Variants in ZCCHC24 observed in about 807,000 individuals in gnomAD.
ZCCHC24 encodes zinc finger CCHC domain-containing protein 24.
A neutral mutation model predicts 26.2 loss-of-function variants in ZCCHC24; 10 were observed. That is an observed-to-expected ratio of 0.38 (90% confidence interval 0.24 to 0.65). The LOEUF is 0.65. ZCCHC24 is among the 30% of genes least tolerant of loss of function. ZCCHC24 has a pLI of 0.54. For synonymous variants in ZCCHC24, 144 were observed against 147.1 expected, an observed-to-expected ratio of 0.98 and a Z score of 0.15; for missense variants, 243 against 329.1, an observed-to-expected ratio of 0.74 and a Z score of 2.03.
At chr10:79,444,707 AC>A (rs1391901803) in intron 1 of ZCCHC24, among the ~76,000 whole-genome samples, 4 of 152,204 alleles carry the variant, frequency 2.6e-5, no homozygotes, top group Non-Finnish European at 5.9e-5. Context: ...CGGGTCGGGA[AC>A]CGCAGAGGTC....
intron 2 of ZCCHC24, among the ~76,000 whole-genome samples, chr10:79,432,180 G>A (rs1036411800): frequency 3.3e-5 from 5 of 152,228 alleles, no homozygotes; most frequent in African/African-American, 7.2e-5. Flanking sequence ...TTCCTTCCCC[G>A]TGAATGTGAT....
chr10:79,430,235 C>T (rs772603786), intron 2 of ZCCHC24, among the ~76,000 whole-genome samples: 1 of 152,058 alleles, frequency 6.6e-6, no homozygotes, highest in Non-Finnish European at 1.5e-5. Flanking sequence ...ACTGATGCTG[C>T]GAGCCTCTGT....
chr10:79,394,142 T>C, intron 3 of ZCCHC24, 134 bp downstream of exon 3: 1 of 1,284,050 alleles, frequency 7.8e-7, no homozygotes. Context: ...TTCCCTCCCA[T>C]TTCAGATGAG....
chr10:79,418,754 G>T (rs1856898786), intron 2 of ZCCHC24, among the ~76,000 whole-genome samples: 1 of 152,200 alleles, frequency 6.6e-6, no homozygotes, highest in Non-Finnish European at 1.5e-5. Context: ...AGATGGGGAT[G>T]GGGGAAAGAT....
chr10:79,442,980 A>C (rs989982845), intron 1 of ZCCHC24, among the ~76,000 whole-genome samples: 12 of 152,170 alleles, frequency 7.9e-5, no homozygotes, highest in Non-Finnish European at 1.8e-4. Context: ...GCCTGTGAAC[A>C]TCAGAGAAGC....
chr10:79,400,153 A>G (rs1383405876), intron 2 of ZCCHC24, among the ~76,000 whole-genome samples: 2 of 152,186 alleles, frequency 1.3e-5, no homozygotes, highest in Non-Finnish European at 2.9e-5. Context: ...CTATAGGACA[A>G]CTTCAAACTT....
chr10:79,428,492 A>ATTTCAGTTTTGCAAGATAAATTT (rs112047064), intron 2 of ZCCHC24, among the ~76,000 whole-genome samples: 2 of 134,024 alleles, frequency 1.5e-5, no homozygotes, highest in Middle Eastern at 4.2e-3. Flanking sequence ...TGCAAGATAA[A>ATTTCAGTTTTGCAAGATAAATTT]AAGAGCTCTG....
At chr10:79,390,200 C>T (rs1277697592) in intron 3 of ZCCHC24, among the ~76,000 whole-genome samples, 1 of 152,152 alleles carries the variant, frequency 6.6e-6, no homozygotes, top group Non-Finnish European at 1.5e-5. Context: ...ATTTTATAAC[C>T]ATAAAAAGCT....
intron 2 of ZCCHC24, among the ~76,000 whole-genome samples, chr10:79,430,937 A>G (rs1366848328): frequency 6.6e-6 from 1 of 152,224 alleles, no homozygotes; most frequent in Non-Finnish European, 1.5e-5. Flanking sequence ...ATAGCTCAAT[A>G]ATCCTGTGTG....
chr10:79,403,742 A>AC (rs1856670761), intron 2 of ZCCHC24, among the ~76,000 whole-genome samples: 1 of 150,636 alleles, frequency 6.6e-6, no homozygotes, highest in African/African-American at 2.5e-5. Context: ...CACCCCTCCC[A>AC]CCCCCGTTCC....
chr10:79,440,594 A>C (rs1172829012), intron 1 of ZCCHC24, among the ~76,000 whole-genome samples: 1 of 152,160 alleles, frequency 6.6e-6, no homozygotes, highest in Non-Finnish European at 1.5e-5. Flanking sequence ...TAGCTGGAAC[A>C]CAGAAGAATT....
At chr10:79,432,345 G>A (rs1427242295) in intron 2 of ZCCHC24, among the ~76,000 whole-genome samples, 1 of 152,216 alleles carries the variant, frequency 6.6e-6, no homozygotes, top group Non-Finnish European at 1.5e-5. Flanking sequence ...ACCAACCAGC[G>A]TGGGCCCAAG....
At position 79,445,543 on chromosome 10, in the gene ZCCHC24, G is replaced by A. The variant is rs560771808; in HGVS notation, c.-103C>T. ...AGCCTGTGCCCACTGCCCGCCTCCC[G>A]AGCCCCGACGGTGATCGCCCCGCGC... On this transcript the variant is annotated 5_prime_UTR_variant, in exon 1 of 4. Transcript: ENST00000372336. 779 of 1,056,446 alleles carry A rather than the reference G, an allele frequency of 7.4e-4. 3 individuals carry two copies. The African/African-American group carries it at 0.012, about 16-fold the overall frequency. 65.4% of individuals were successfully genotyped at this position (1,056,446 alleles called of 1,614,324 possible).
intron 1 of ZCCHC24, among the ~76,000 whole-genome samples, 176 bp downstream of exon 1, chr10:79,445,019 C>G (rs987141373): frequency 6.6e-6 from 1 of 152,184 alleles, no homozygotes; most frequent in African/African-American, 2.4e-5. Context: ...ACCCGGCACC[C>G]CGGGGACTTC....
chr10:79,426,995 G>A (rs1444372099), intron 2 of ZCCHC24, among the ~76,000 whole-genome samples: 1 of 149,602 alleles, frequency 6.7e-6, no homozygotes, highest in Non-Finnish European at 1.5e-5. Flanking sequence ...TAAAAGATAG[G>A]AAAATATCTG....
At chr10:79,399,266 G>T (rs1408847983) in intron 2 of ZCCHC24, among the ~76,000 whole-genome samples, 3 of 152,212 alleles carry the variant, frequency 2.0e-5, no homozygotes, top group African/African-American at 7.2e-5. Context: ...GGGCCAAGGG[G>T]AGAAGGAATT....
At chr10:79,416,875 CAG>C in intron 2 of ZCCHC24, among the ~76,000 whole-genome samples, 1 of 152,224 alleles carries the variant, frequency 6.6e-6, no homozygotes, top group African/African-American at 2.4e-5. Context: ...GAAAAGTGCT[CAG>C]AGCAGTGCCC....
chr10:79,431,253 A>T (rs1411246877), intron 2 of ZCCHC24, among the ~76,000 whole-genome samples: 1 of 152,132 alleles, frequency 6.6e-6, no homozygotes, highest in Non-Finnish European at 1.5e-5. Context: ...GACCAACTAG[A>T]TCCTCAGTTG....
intron 2 of ZCCHC24, among the ~76,000 whole-genome samples, chr10:79,395,960 C>T (rs977916381): frequency 6.6e-6 from 1 of 152,090 alleles, no homozygotes; most frequent in Non-Finnish European, 1.5e-5. Context: ...TTATTGACCC[C>T]CCAAAAGTAG....
Sources: gnomAD v4.1 joint callset for allele counts (sites outside exome capture counted in the v4.1 genomes callset) on GRCh38, gnomAD v4.1.1 for gene constraint, MANE v1.5 for transcripts, NCBI Gene and HGNC (gene_info 2026-07-23, HGNC 2026-07-21) for gene names.